The following KIF2A variants were observed in gnomAD, a reference collection of about 807,000 sequenced individuals.
The protein encoded by KIF2A is kinesin family member 2A, also known as kinesin-like protein KIF2A.
A neutral mutation model predicts 100.2 loss-of-function variants in KIF2A; 22 were observed. The observed-to-expected ratio is 0.22, with a 90% confidence interval of 0.16 to 0.31. The LOEUF is 0.31. Ranked by LOEUF, KIF2A falls within the 10% of genes least tolerant of loss-of-function variation. The probability of loss-of-function intolerance (pLI) is 1.00; values close to 1 mark genes in which losing one functional copy is unlikely to be tolerated. For synonymous variants in KIF2A, 268 were observed against 285.9 expected, an observed-to-expected ratio of 0.94 and a Z score of 0.63; for missense variants, 495 against 898.7, an observed-to-expected ratio of 0.55 and a Z score of 5.74.
At chr5:62,373,623 C>A in intron 17 of KIF2A, 64 bp from the exon 18 acceptor site, 1 of 1,161,576 alleles carries the variant, frequency 8.6e-7, no homozygotes, top group Non-Finnish European at 1.3e-6. Flanking sequence ...ATTGAATAGG[C>A]TGGTATTTTC....
chr5:62,358,074 T>C, intron 8 of KIF2A, 63 bp from the exon 9 acceptor site: 1 of 1,246,398 alleles, frequency 8.0e-7, no homozygotes, highest in South Asian at 1.7e-5. Flanking sequence ...CTTAAAATAA[T>C]TTTGTACATG....
At position 62,390,901 on chromosome 5, in the gene KIF2A, A is replaced by C. The variant is rs1360388407; in HGVS notation, c.*5332A>C. ...CTGATGAAGTCATCTATGTCCATGG[A>C]ACGGGCCCGTTTGTCACTAAAACCT... On this transcript the variant is annotated 3_prime_UTR_variant, in exon 21 of 21. Transcript: ENST00000407818. 1 of 1,611,920 alleles carries C rather than the reference A, an allele frequency of 6.2e-7. No homozygotes were observed. Among genetic ancestry groups the C allele is most frequent in the African/African-American group, 1.3e-5 (1 of 74,852 alleles).
At chr5:62,385,381 A>G (rs1324935385) in intron 20 of KIF2A, 103 bp from the exon 21 acceptor site, 4 of 724,534 alleles carry the variant, frequency 5.5e-6, no homozygotes, top group Non-Finnish European at 9.3e-6. Flanking sequence ...ATACTGAGTT[A>G]CTGTTAGGAA....
intron 8 of KIF2A, 117 bp downstream of exon 8, chr5:62,357,862 T>C: frequency 1.4e-6 from 1 of 719,078 alleles, no homozygotes; most frequent in Admixed American, 2.9e-5. Flanking sequence ...TTGATTTGTA[T>C]GTAACCATTA....
At chr5:62,368,888 G>A (rs1741201339) in intron 16 of KIF2A, among the ~76,000 whole-genome samples, 1 of 152,030 alleles carries the variant, frequency 6.6e-6, no homozygotes, top group South Asian at 2.1e-4. Context: ...TCCTTATTGT[G>A]TTAGTTTTAA....
At chr5:62,332,683 GA>G (rs1262782374) in intron 1 of KIF2A, among the ~76,000 whole-genome samples, 3 of 151,986 alleles carry the variant, frequency 2.0e-5, no homozygotes, top group Admixed American at 2.0e-4. Context: ...GACTAAATGG[GA>G]AAAAATGGCA....
At chr5:62,342,907 C>T (rs948420557) in intron 1 of KIF2A, among the ~76,000 whole-genome samples, 1 of 151,986 alleles carries the variant, frequency 6.6e-6, no homozygotes, top group Non-Finnish European at 1.5e-5. Flanking sequence ...CGCCCACCAC[C>T]ACACCCAGAT....
chr5:62,335,284 GA>G (rs1746881861), intron 1 of KIF2A, among the ~76,000 whole-genome samples: 1 of 152,204 alleles, frequency 6.6e-6, no homozygotes, highest in East Asian at 1.9e-4. Context: ...ATTGGGCCTG[GA>G]AGGGCTATAC....
chr5:62,344,170 C>T (rs1580051230), intron 1 of KIF2A, among the ~76,000 whole-genome samples: 1 of 152,064 alleles, frequency 6.6e-6, no homozygotes, highest in African/African-American at 2.4e-5. Flanking sequence ...ATGGTGAAAC[C>T]CTGTCTCTAC....
chr5:62,347,958 G>C, intron 2 of KIF2A, 90 bp from the exon 3 acceptor site: 1 of 1,371,526 alleles, frequency 7.3e-7, no homozygotes. Flanking sequence ...AGTAATTTAA[G>C]AGTTATTTAC....
chr5:62,334,049 T>C (rs13155253), intron 1 of KIF2A, among the ~76,000 whole-genome samples: 8,497 of 152,160 alleles, frequency 0.056, 321 homozygotes, highest in East Asian at 0.13. Context: ...AATTAATATC[T>C]TTCCATTTCC....
intron 1 of KIF2A, among the ~76,000 whole-genome samples, chr5:62,309,292 G>T (rs1745454984): frequency 6.6e-6 from 1 of 152,126 alleles, no homozygotes; most frequent in Non-Finnish European, 1.5e-5. Flanking sequence ...TTTCAAAAGC[G>T]GTTTGCCTAT....
In KIF2A at chr5:62,358,273, C is replaced by G. The variant is rs1311115304; in HGVS notation, c.846C>G (p.Asp282Glu). 6 of 1,587,504 alleles carry G rather than the reference C, an allele frequency of 3.8e-6. No individual in the cohort carries two copies. The South Asian group carries it at 7.0e-5, about 19-fold the overall frequency. The stretch of plus-strand genomic sequence containing the variant: ...TTCGTTTTGATTATGCCTTTGATGA[C>G]TCAGCTCCTAATGAAATGGTTTACA... ...QTFRFDYAFD[D>E]SAPNEMVYRF... The change falls in exon 9 of 21, where the codon GAC (aspartate) becomes GAG (glutamate). Residue 282 changes from aspartate to glutamate, a missense_variant. By Grantham distance (45) the Asp-to-Glu change is conservative. Around this residue, in one of 10 missense-constraint regions of KIF2A, gnomAD observed 109 missense variants for 244.2 expected, o/e 0.45. Coordinates refer to ENST00000407818, the MANE Select transcript of KIF2A (RefSeq NM_001098511.3).
intron 1 of KIF2A, 106 bp downstream of exon 1, chr5:62,306,642 G>A: frequency 3.3e-6 from 3 of 918,872 alleles, no homozygotes; most frequent in Non-Finnish European, 4.9e-6. Context: ...CCGGGCTGTG[G>A]GGGTGGGAAG....
At chr5:62,328,906 A>G (rs552450106) in intron 1 of KIF2A, among the ~76,000 whole-genome samples, 6 of 152,320 alleles carry the variant, frequency 3.9e-5, no homozygotes, top group East Asian at 1.9e-4. Flanking sequence ...CCTTCTAAAT[A>G]ATAATGCTAC....
In KIF2A at chr5:62,357,752, C is replaced by A; in HGVS notation, c.709+7C>A. On this transcript the variant is annotated splice_region_variant and intron_variant, in intron 8 of 20. Transcript: ENST00000407818. ...CGACCACTCAATAAAAAAGGTATGG[C>A]ACTTAATGAGCTCTAATAAAAGATT... 2 of 1,471,986 alleles carry A rather than the reference C, an allele frequency of 1.4e-6. No individual in the cohort carries two copies. Among genetic ancestry groups the A allele is most frequent in the Non-Finnish European group, 1.9e-6 (2 of 1,055,126 alleles). The allele number at this position is 1,471,986 out of a possible 1,614,324, so 91.2% of individuals were successfully genotyped here.
At chr5:62,329,262 T>G (rs1372089646) in intron 1 of KIF2A, among the ~76,000 whole-genome samples, 2 of 152,356 alleles carry the variant, frequency 1.3e-5, no homozygotes, top group Non-Finnish European at 1.5e-5. Flanking sequence ...CAAAGTCACA[T>G]TCCCCAGAGA....
At chr5:62,328,967 A>G (rs1015691972) in intron 1 of KIF2A, among the ~76,000 whole-genome samples, 8 of 152,170 alleles carry the variant, frequency 5.3e-5, no homozygotes, top group Admixed American at 1.3e-4. Context: ...CCATCACCCT[A>G]TAGAAACTGA....
rs1742151625 is a variant in KIF2A, at chr5:62,388,667, G to A, written c.*3098G>A. On this transcript the variant is annotated 3_prime_UTR_variant, in exon 21 of 21. Transcript: ENST00000407818. ...TATTACTGGAGGAACAGAGCTAAAG[G>A]CCTAAAGAAGGCCTTACAGTATATA... 2 of 206,946 alleles carry A rather than the reference G, an allele frequency of 9.7e-6. No individual in the cohort carries two copies. The highest frequency in any genetic ancestry group is 2.2e-4 in the South Asian group (2 of 8,994). 12.8% of individuals were successfully genotyped at this position (206,946 alleles called of 1,614,324 possible). A position where few individuals can be genotyped will look rare whatever the true frequency, so the allele number is the denominator to read the frequency against.
Sources: allele counts gnomAD v4.1 joint callset (sites outside exome capture counted in the v4.1 genomes callset), GRCh38; gene constraint gnomAD v4.1.1; regional missense constraint gnomAD v4.1.1; transcripts MANE v1.5; gene names NCBI Gene and HGNC (gene_info 2026-07-23, HGNC 2026-07-21).